The following QTMAN variants were observed in gnomAD, a reference collection of about 807,000 sequenced individuals.
QTMAN encodes queuosine-tRNA mannosyltransferase.
the QTMAN span, among the ~76,000 whole-genome samples, chr2:144,042,168 A>G: frequency 1.3e-5 from 2 of 152,104 alleles, no homozygotes; most frequent in African/African-American, 4.8e-5. Flanking sequence ...TTTAACTTTA[A>G]GATAGGCAGG....
At chr2:144,056,574 C>T in the QTMAN span, among the ~76,000 whole-genome samples, 101 of 152,260 alleles carry the variant, frequency 6.6e-4, no homozygotes, top group African/African-American at 2.1e-3. Context: ...TTGCATACTG[C>T]GATATTCCTA....
At chr2:144,014,968 C>G in the QTMAN span, among the ~76,000 whole-genome samples, 1 of 152,092 alleles carries the variant, frequency 6.6e-6, no homozygotes, top group African/African-American at 2.4e-5. Context: ...AATAATTATG[C>G]CTAAATTCCC....
At chr2:144,078,107 C>T in the QTMAN span, among the ~76,000 whole-genome samples, 5 of 152,170 alleles carry the variant, frequency 3.3e-5, no homozygotes, top group African/African-American at 7.2e-5. Context: ...CATGCTATAG[C>T]ACTCTAAACA....
the QTMAN span, among the ~76,000 whole-genome samples, chr2:143,969,688 T>C: frequency 6.6e-6 from 1 of 152,052 alleles, no homozygotes; most frequent in Non-Finnish European, 1.5e-5. Flanking sequence ...TGAGCTGAGA[T>C]CAAAAGGATA....
chr2:144,073,978 T>C, the QTMAN span, among the ~76,000 whole-genome samples: 101 of 152,288 alleles, frequency 6.6e-4, no homozygotes, highest in African/African-American at 2.4e-3. Context: ...ACATGGGTAG[T>C]TAATAGCAGA....
chr2:144,295,872 T>G, the QTMAN span, among the ~76,000 whole-genome samples: 1 of 152,212 alleles, frequency 6.6e-6, no homozygotes, highest in East Asian at 1.9e-4. Flanking sequence ...AGTGCTAGGA[T>G]GACGGGCATG....
At chr2:144,302,248 T>C in the QTMAN span, among the ~76,000 whole-genome samples, 1 of 151,476 alleles carries the variant, frequency 6.6e-6, no homozygotes, top group African/African-American at 2.4e-5. Flanking sequence ...TATATAATTA[T>C]ATACATATAT....
the QTMAN span, among the ~76,000 whole-genome samples, chr2:143,948,369 C>T: frequency 1.3e-5 from 2 of 152,068 alleles, no homozygotes; most frequent in African/African-American, 4.8e-5. Flanking sequence ...ACAAAAAAAT[C>T]AGGAGCTATC....
the QTMAN span, among the ~76,000 whole-genome samples, chr2:144,226,302 T>A: frequency 2.6e-5 from 4 of 152,190 alleles, no homozygotes; most frequent in African/African-American, 9.7e-5. Flanking sequence ...ATTTATCAAG[T>A]GCATACTGTG....
At chr2:144,129,903 T>A in the QTMAN span, among the ~76,000 whole-genome samples, 1 of 151,894 alleles carries the variant, frequency 6.6e-6, no homozygotes, top group African/African-American at 2.4e-5. Flanking sequence ...TAAAAATAAA[T>A]TCGTAGACAA....
chr2:144,153,371 TAAGG>T, the QTMAN span, among the ~76,000 whole-genome samples: 1 of 152,102 alleles, frequency 6.6e-6, no homozygotes, highest in Non-Finnish European at 1.5e-5. Flanking sequence ...ATTCTCAAAA[TAAGG>T]AAGATTACTC....
chr2:144,063,668 A>C, the QTMAN span, among the ~76,000 whole-genome samples: 1 of 152,218 alleles, frequency 6.6e-6, no homozygotes, highest in Non-Finnish European at 1.5e-5. Context: ...CTAAGTAACA[A>C]AATAAAACAA....
the QTMAN span, among the ~76,000 whole-genome samples, chr2:144,182,872 AT>A: frequency 2.6e-5 from 2 of 76,654 alleles, no homozygotes; most frequent in Non-Finnish European, 4.5e-5. Flanking sequence ...ATATATATAT[AT>A]TATATATATA....
the QTMAN span, among the ~76,000 whole-genome samples, chr2:144,276,847 A>G: frequency 2.0e-5 from 3 of 152,184 alleles, no homozygotes; most frequent in South Asian, 2.1e-4. Flanking sequence ...TCACACCCCT[A>G]AACTCTTAAT....
chr2:144,314,090 T>C, the QTMAN span, among the ~76,000 whole-genome samples: 1 of 152,148 alleles, frequency 6.6e-6, no homozygotes, highest in African/African-American at 2.4e-5. Context: ...AAATGACTTA[T>C]ACAAAAATTC....
the QTMAN span, among the ~76,000 whole-genome samples, chr2:143,965,118 C>T: frequency 1.3e-5 from 2 of 151,276 alleles, no homozygotes; most frequent in African/African-American, 4.9e-5. Context: ...TGAGAATTGG[C>T]CAAAACTCAA....
the QTMAN span, among the ~76,000 whole-genome samples, chr2:144,110,706 T>A: frequency 7.3e-6 from 1 of 136,792 alleles, no homozygotes; most frequent in Non-Finnish European, 1.6e-5. Flanking sequence ...AAAAACCTTG[T>A]GCAAATATAT....
the QTMAN span, among the ~76,000 whole-genome samples, chr2:143,991,532 G>A: frequency 0.013 from 1,902 of 141,636 alleles, 12 homozygotes; most frequent in Admixed American, 0.023. Context: ...CCCTCTGCCC[G>A]GCCAGCCGCC....
the QTMAN span, among the ~76,000 whole-genome samples, chr2:144,005,192 A>G: frequency 6.6e-6 from 1 of 151,944 alleles, no homozygotes; most frequent in Non-Finnish European, 1.5e-5. Context: ...AACTATATTA[A>G]CCTTATAGAC....
Sources: gnomAD v4.1 joint callset for allele counts (sites outside exome capture counted in the v4.1 genomes callset) on GRCh38, gnomAD v4.1.1 for gene constraint, MANE v1.5 for transcripts, NCBI Gene and HGNC (gene_info 2026-07-23, HGNC 2026-07-21) for gene names.